The following MAP4K2 variants were observed in gnomAD, a reference collection of about 807,000 sequenced individuals.
The protein encoded by MAP4K2 is B lymphocyte serine/threonine protein kinase.
In MAP4K2, 85 loss-of-function variants were observed where a neutral mutation model predicts 125.3. That is an observed-to-expected ratio of 0.68 (90% CI 0.57 to 0.81). MAP4K2 has a LOEUF of 0.81. MAP4K2 is among the 40% of genes least tolerant of loss of function. The pLI is 0.00. For synonymous variants in MAP4K2, 479 were observed against 445.1 expected (o/e 1.08, Z -0.96); for missense variants, 923 against 1,056.4 (o/e 0.87, Z 1.75).
At chr11:64,798,331 A>AT (rs1358735336) in intron 15 of MAP4K2, among the ~76,000 whole-genome samples, 1 of 151,408 alleles carries the variant, frequency 6.6e-6, no homozygotes, top group Non-Finnish European at 1.5e-5. Context: ...ACACCGGCTA[A>AT]TTTTTTCTAT....
At position 64,786,503 on chromosome 11, in the gene MAP4K2, A is replaced by G. The variant is rs928558058; in HGVS notation, c.*3034T>C. The stretch of plus-strand genomic sequence containing the variant: ...CCTCCGCCGTCCCGAAGCACACATC[A>G]TGGTGCTCCCCTTGACTTTCACCAG... On this transcript the variant is annotated 3_prime_UTR_variant, in exon 32 of 32. Transcript: ENST00000294066. 1 of 152,178 alleles carries G rather than the reference A, an allele frequency of 6.6e-6. No homozygotes were observed. Among genetic ancestry groups the G allele is most frequent in the Non-Finnish European group, 1.5e-5 (1 of 68,036 alleles). The allele number at this position is 152,178 out of a possible 1,614,324, so 9.4% of individuals were successfully genotyped here. A position where few individuals can be genotyped will look rare whatever the true frequency, so the allele number is the denominator to read the frequency against.
In MAP4K2 at chr11:64,796,286, G is replaced by A. The variant is rs148240107; in HGVS notation, c.1738C>T (p.Arg580Cys). The change falls in exon 24 of 32, where the codon CGC becomes TGC. Residue 580 changes from arginine to cysteine, a missense_variant. Coordinates refer to ENST00000294066, the MANE Select transcript of MAP4K2 (RefSeq NM_004579.5). ...AAGATCCCTGACCTGGGGATGATGC[G>A]CTGGGTGAGGCGGTTGGTGGGGATG... ...LSIPTNRLTQ[R>C]IIPRRFALST... is the part of the protein sequence containing the mutation. 9.7e-5 allele frequency: 149 copies of A among 1,530,706 alleles called. No homozygotes were observed. The highest frequency in any genetic ancestry group is 1.3e-4 in the Non-Finnish European group (145 of 1,139,788). 94.8% of individuals were successfully genotyped at this position (1,530,706 alleles called of 1,614,324 possible).
chr11:64,799,642 C>G lies in MAP4K2; in HGVS notation c.957G>C (p.Gln319His), dbSNP rs143530163. ...MFPDTIHSRGQHGPAERTPSE... is the reference protein window; with the variant it reads ...MFPDTIHSRGHHGPAERTPSE... ...AGGGGGTCCTCTCGGCTGGGCCGTG[C>G]TGCCCCCGGGAGTGAATGGTGTCTG... Residue 319 changes from glutamine (Q) to histidine (H), a missense_variant, in exon 13 of 32, where the codon CAG (glutamine) becomes CAC (histidine). Transcript: ENST00000294066. The G allele has an allele frequency of 2.5e-6, 4 of 1,613,896 alleles. No homozygotes were observed. The highest frequency in any genetic ancestry group is 3.4e-6 in the Non-Finnish European group (4 of 1,180,028).
Position 64,789,287 on chromosome 11 carries a change from G to A in MAP4K2, c.*250C>T. ...GCCCAGGCCCAGGGTCCCTGCCTTG[G>A]GCACTAGGGACTGGGCTGCCTCGGG... On this transcript the variant is annotated 3_prime_UTR_variant, in exon 32 of 32. Transcript: ENST00000294066. 1.8e-6 allele frequency: 1 copy of A among 550,068 alleles called. No homozygotes were observed. Among genetic ancestry groups the A allele is most frequent in the East Asian group, 3.1e-5 (1 of 32,248 alleles). 34.1% of individuals were successfully genotyped at this position (550,068 alleles called of 1,614,324 possible).
Position 64,796,495 on chromosome 11 carries a change from G to A in MAP4K2, c.1631C>T (p.Ser544Leu), listed in dbSNP as rs1940809512. ...YCVNNVLLSL[S>L]GKSTHIWAHD... ...TCCCTGCCCATCCCACCTTGTACCTGAGAGTGACAGCAGCACGTTGTTCAC... is the reference window on the plus strand; with the variant it reads ...TCCCTGCCCATCCCACCTTGTACCTAAGAGTGACAGCAGCACGTTGTTCAC... The change falls in exon 23 of 32, where the codon TCA becomes TTA. Residue 544 changes from serine (S) to leucine (L), a missense_variant and splice_region_variant. Coordinates refer to ENST00000294066, the MANE Select transcript of MAP4K2 (RefSeq NM_004579.5). 6.2e-7 allele frequency: 1 copy of A among 1,613,796 alleles called. No individual in the cohort carries two copies. Among genetic ancestry groups the A allele is most frequent in the African/African-American group, 1.3e-5 (1 of 74,936 alleles).
chr11:64,788,587 G>C lies in MAP4K2; in HGVS notation c.*950C>G, dbSNP rs1940301186. ...GTCTGTTTCTGGTAGTGACCCCAGG[G>C]CCTGGCACTGAGGCAGCCCTTGGGA... On this transcript the variant is annotated 3_prime_UTR_variant, in exon 32 of 32. Transcript: ENST00000294066. 6.6e-6 allele frequency: 1 copy of C among 152,230 alleles called. No homozygotes were observed. Among genetic ancestry groups the C allele is most frequent in the Admixed American group, 6.5e-5 (1 of 15,292 alleles). 9.4% of individuals were successfully genotyped at this position (152,230 alleles called of 1,614,324 possible).
Position 64,791,091 on chromosome 11 carries a change from G to A in MAP4K2, c.2093-629C>T, listed in dbSNP as rs182179747. 2.7e-3 allele frequency among the ~76,000 whole-genome samples: 413 copies of A among 152,338 alleles called. 1 individual carries two copies. The highest frequency in any genetic ancestry group is 9.2e-3 in the African/African-American group (383 of 41,562). ...GCAGAGGTTGCAGTGAGCCGAGATC[G>A]TGCCATTGCACTCCAGCCTGGGCAA... is the stretch of plus-strand genomic sequence containing the variant. On this transcript the variant is annotated intron_variant, in intron 27 of 31. Transcript: ENST00000294066.
chr11:64,796,231 G>T (rs1352628849), intron 24 of MAP4K2, 42 bp downstream of exon 24: 2 of 1,492,770 alleles, frequency 1.3e-6, no homozygotes, highest in Non-Finnish European at 1.8e-6. Context: ...GCCCCTCCCT[G>T]CCCCTCTGCC....
In MAP4K2 at chr11:64,802,935, T is replaced by A; in HGVS notation, c.104A>T (p.Asp35Val). The change falls in exon 2 of 32, where the codon GAC (aspartate) becomes GTC (valine). Residue 35 changes from aspartate (D) to valine (V), a missense_variant. This residue lies in a region of MAP4K2 where 833 missense variants were observed against 911.4 expected (regional missense o/e 0.91). Coordinates refer to ENST00000294066, the MANE Select transcript of MAP4K2 (RefSeq NM_004579.5). ...GGCGGCCAGTTCGGACGTGACCGTG[T>A]CGCGGGCCTGCAGGGGCGGAGGGTG... ...GTYGDVYKARDTVTSELAAVK... is the reference protein window; with the variant it reads ...GTYGDVYKARVTVTSELAAVK... 1 of 1,583,872 alleles carries A rather than the reference T, an allele frequency of 6.3e-7. No individual in the cohort carries two copies. The highest frequency in any genetic ancestry group is 8.6e-7 in the Non-Finnish European group (1 of 1,165,792).
chr11:64,791,313 C>G (rs532649015), intron 27 of MAP4K2, among the ~76,000 whole-genome samples: 1 of 152,260 alleles, frequency 6.6e-6, no homozygotes, highest in Non-Finnish European at 1.5e-5. Flanking sequence ...AATGGGGCCT[C>G]TAGGCCCTGC....
chr11:64,801,203 C>T lies in MAP4K2; in HGVS notation c.458-20G>A, dbSNP rs376005265. 6.2e-7 allele frequency: 1 copy of T among 1,609,220 alleles called. No homozygotes were observed. Among genetic ancestry groups the T allele is most frequent in the South Asian group, 1.1e-5 (1 of 90,816 alleles). On this transcript the variant is annotated intron_variant, in intron 7 of 31. Coordinates refer to ENST00000294066, the MANE Select transcript of MAP4K2 (RefSeq NM_004579.5). ...AGTCAGCTGTGGGGAGAAACAGCCA[C>T]TCTCACCAGCCCTCTGGCTGCCACT...
chr11:64,786,156 T>C lies in MAP4K2; in HGVS notation c.*3381A>G, dbSNP rs1592564334. 6.6e-6 allele frequency: 1 copy of C among 152,192 alleles called. No homozygotes were observed. Among genetic ancestry groups the C allele is most frequent in the Admixed American group, 6.5e-5 (1 of 15,272 alleles). The allele number at this position is 152,192 out of a possible 1,614,324, so 9.4% of individuals were successfully genotyped here. A position where few individuals can be genotyped will look rare whatever the true frequency, so the allele number is the denominator to read the frequency against. ...TGGGCATGTATTGCTAAACAATAGA[T>C]GGTTTCATTTTGTTTTTGAGCTTTA... On this transcript the variant is annotated 3_prime_UTR_variant, in exon 32 of 32. Transcript: ENST00000294066.
intron 24 of MAP4K2, among the ~76,000 whole-genome samples, chr11:64,794,231 C>T (rs1352493811): frequency 6.6e-6 from 1 of 152,276 alleles, no homozygotes; most frequent in East Asian, 1.9e-4. Flanking sequence ...CAGCTGATGA[C>T]AGCTGCATTC....
Position 64,802,349 on chromosome 11 carries a change from CT to C in MAP4K2, c.310+69del, listed in dbSNP as rs769342012. On this transcript the variant is annotated intron_variant, in intron 4 of 31. Coordinates refer to ENST00000294066, the MANE Select transcript of MAP4K2 (RefSeq NM_004579.5). ...GCCCAAGTCCAGGGCCCAGAGTCCC[CT>C]CTGGTACCCCAGTGGGGTAGGGGTG... The C allele has an allele frequency of 3.5e-4, 520 of 1,469,354 alleles. 2 individuals carry two copies. The highest frequency in any genetic ancestry group is 4.6e-4 in the Non-Finnish European group (506 of 1,090,990). 91.0% of individuals were successfully genotyped at this position (1,469,354 alleles called of 1,614,324 possible).
At chr11:64,801,247 G>A (rs1941146999) in intron 7 of MAP4K2, 64 bp from the exon 8 acceptor site, 3 of 1,560,714 alleles carry the variant, frequency 1.9e-6, no homozygotes, top group Non-Finnish European at 2.6e-6. Flanking sequence ...CACGCCCAGG[G>A]CTCTGGCTCG....
In MAP4K2 at chr11:64,789,956, C is replaced by T. The variant is rs929299451; in HGVS notation, c.2252G>A (p.Cys751Tyr). The change falls in exon 30 of 32, where the codon TGC becomes TAC. Residue 751 changes from cysteine to tyrosine, a missense_variant. Cys to Tyr is a radical substitution (Grantham distance 194, BLOSUM62 -2). This residue lies in a region of MAP4K2 where 90 missense variants were observed against 144.9 expected (regional missense o/e 0.62). Coordinates refer to ENST00000294066, the MANE Select transcript of MAP4K2 (RefSeq NM_004579.5). ...TFDFPIETVVCLQDSVLAFWS... is the reference protein window; with the variant it reads ...TFDFPIETVVYLQDSVLAFWS... ...GAAGGCCAGCACACTGTCCTGCAGG[C>T]ACACTATGGGGGCCAGGCCACCATC... 6.2e-7 allele frequency: 1 copy of T among 1,613,326 alleles called. No homozygotes were observed. Among genetic ancestry groups the T allele is most frequent in the East Asian group, 2.2e-5 (1 of 44,884 alleles).
Position 64,797,543 on chromosome 11 carries a change from G to T in MAP4K2, c.1137-9C>A. The T allele has an allele frequency of 6.4e-7, 1 of 1,572,090 alleles. No homozygotes were observed. Among genetic ancestry groups the T allele is most frequent in the East Asian group, 2.3e-5 (1 of 42,726 alleles). On this transcript the variant is annotated splice_polypyrimidine_tract_variant and intron_variant, in intron 16 of 31. Coordinates refer to ENST00000294066, the MANE Select transcript of MAP4K2 (RefSeq NM_004579.5). ...ACCGAATAGTCAGACTCCTGTGGGA[G>T]GGAGATGAGGCGTGAGGCATGAGGT...
chr11:64,800,256 A>T, intron 11 of MAP4K2, 40 bp from the exon 12 acceptor site: 2 of 1,612,266 alleles, frequency 1.2e-6, no homozygotes, highest in Non-Finnish European at 1.7e-6. Context: ...TTGGCCCCTG[A>T]TCCAGGGCCC....
intron 15 of MAP4K2, 131 bp from the exon 16 acceptor site, chr11:64,797,795 C>T (rs1483933751): frequency 2.3e-6 from 2 of 888,442 alleles, no homozygotes; most frequent in Admixed American, 3.3e-5. Context: ...AAGCTCCGCC[C>T]CCCAAGTTCA....
Sources: allele counts gnomAD v4.1 joint callset (sites outside exome capture counted in the v4.1 genomes callset), GRCh38; gene constraint gnomAD v4.1.1; regional missense constraint gnomAD v4.1.1; transcripts MANE v1.5; gene names NCBI Gene and HGNC (gene_info 2026-07-23, HGNC 2026-07-21).